RBFOX1: variants seen among roughly 807,000 people sequenced by gnomAD.
RBFOX1 encodes the protein RNA binding fox-1 homolog 1.
RBFOX1 carries 8 observed loss-of-function variants against 57.7 expected under a neutral mutation model. That is an observed-to-expected ratio of 0.14 (90% CI 0.08 to 0.25). The LOEUF (loss-of-function observed/expected upper bound fraction) is 0.25, where lower values mean the gene tolerates loss of function less well. RBFOX1 is among the 10% of genes least tolerant of loss of function. RBFOX1 has a pLI of 1.00. For synonymous variants in RBFOX1, 326 were observed against 222.4 expected (o/e 1.47, Z -4.15); for missense variants, 611 against 548.5 (o/e 1.11, Z -1.14).
At chr16:5,336,799 T>C (rs1333411578) in intron 1 of RBFOX1, among the ~76,000 whole-genome samples, 1 of 152,190 alleles carries the variant, frequency 6.6e-6, no homozygotes, top group Non-Finnish European at 1.5e-5. Context: ...TGCCTTCAGC[T>C]CACAACTCTC....
intron 3 of RBFOX1, among the ~76,000 whole-genome samples, chr16:6,884,245 G>C (rs185916831): frequency 2.4e-4 from 36 of 152,262 alleles, no homozygotes; most frequent in African/African-American, 8.2e-4. Flanking sequence ...GACCCAGGGA[G>C]CGTGGCAATA....
intron 5 of RBFOX1, among the ~76,000 whole-genome samples, chr16:7,557,947 C>T (rs899000729): frequency 1.3e-5 from 2 of 152,118 alleles, no homozygotes; most frequent in African/African-American, 2.4e-5. Context: ...GCAGTATTTC[C>T]ACCATCCAGA....
intron 15 of RBFOX1, chr16:7,709,853 G>A (rs1021068798): frequency 1.8e-5 from 22 of 1,202,686 alleles, no homozygotes; most frequent in Middle Eastern, 3.4e-4. Flanking sequence ...AGTAAGACGT[G>A]CCCATCACGT....
At position 6,605,386 on chromosome 16, in the gene RBFOX1, T is replaced by C. The variant is rs148159102; in HGVS notation, c.-63-49217T>C. The stretch of plus-strand genomic sequence containing the variant: ...ATTGCTGTCCATCTAGTTTGGAGTT[T>C]TGCTTTATTGATTTATGATATTATC... On this transcript the variant is annotated intron_variant, in intron 2 of 15. Transcript: ENST00000550418. Among the ~76,000 whole-genome samples the C allele has an allele frequency of 7.8e-3, 1,188 of 152,272 alleles. 18 individuals carry two copies. Among genetic ancestry groups the C allele is most frequent in the African/African-American group, 0.026 (1,064 of 41,528 alleles).
At chr16:7,085,272 C>G (rs564148271) in intron 4 of RBFOX1, among the ~76,000 whole-genome samples, 1 of 152,056 alleles carries the variant, frequency 6.6e-6, no homozygotes, top group African/African-American at 2.4e-5. Flanking sequence ...TGTTTGTCAC[C>G]TAAAGAGAAC....
chr16:7,436,120 G>C (rs1375826488), intron 4 of RBFOX1, among the ~76,000 whole-genome samples: 1 of 152,124 alleles, frequency 6.6e-6, no homozygotes, highest in Non-Finnish European at 1.5e-5. Context: ...TAGCCTTTTT[G>C]GAGGACAGAT....
chr16:6,579,471 T>C (rs1306998309), intron 2 of RBFOX1, among the ~76,000 whole-genome samples: 1 of 152,202 alleles, frequency 6.6e-6, no homozygotes, highest in East Asian at 1.9e-4. Context: ...AATTGAATCA[T>C]GGGAATGGTT....
chr16:7,556,615 T>A (rs550141704), intron 5 of RBFOX1, among the ~76,000 whole-genome samples: 1 of 152,304 alleles, frequency 6.6e-6, no homozygotes, highest in East Asian at 1.9e-4. Context: ...CTAAGAAAGC[T>A]TCATGACATT....
intron 2 of RBFOX1, among the ~76,000 whole-genome samples, chr16:5,480,550 CCT>C (rs1391866695): frequency 2.0e-5 from 3 of 152,124 alleles, no homozygotes; most frequent in Non-Finnish European, 4.4e-5. Flanking sequence ...TGCACAATGC[CCT>C]GTTCGCCCAG....
intron 1 of RBFOX1, among the ~76,000 whole-genome samples, chr16:5,443,546 G>C (rs543564314): frequency 2.0e-5 from 3 of 152,186 alleles, no homozygotes; most frequent in East Asian, 3.9e-4. Context: ...CCCTGTGTTG[G>C]CCAGGCTGGT....
At chr16:5,330,640 G>A (rs1366150694) in intron 1 of RBFOX1, among the ~76,000 whole-genome samples, 1 of 151,790 alleles carries the variant, frequency 6.6e-6, no homozygotes, top group Non-Finnish European at 1.5e-5. Flanking sequence ...TCTGACCTCA[G>A]GTGATCTGCC....
chr16:5,700,293 G>A (rs2050999585), intron 3 of RBFOX1, among the ~76,000 whole-genome samples: 2 of 148,470 alleles, frequency 1.3e-5, no homozygotes, highest in African/African-American at 4.9e-5. Context: ...CACTTTGACA[G>A]TTTTTTTTTT....
At chr16:6,766,953 G>T (rs780403383) in intron 3 of RBFOX1, among the ~76,000 whole-genome samples, 1 of 152,104 alleles carries the variant, frequency 6.6e-6, no homozygotes, top group Admixed American at 6.6e-5. Flanking sequence ...CTAGCCCTTG[G>T]TAAGTCGGGG....
At chr16:7,167,923 G>C (rs1220802043) in intron 4 of RBFOX1, among the ~76,000 whole-genome samples, 9 of 152,104 alleles carry the variant, frequency 5.9e-5, no homozygotes, top group South Asian at 2.1e-4. Context: ...TGCTTGTCTG[G>C]GGATGCTGCG....
chr16:5,983,479 C>T (rs1304794586), intron 4 of RBFOX1, among the ~76,000 whole-genome samples: 1 of 152,124 alleles, frequency 6.6e-6, no homozygotes, highest in African/African-American at 2.4e-5. Flanking sequence ...ATGGAACCTT[C>T]CAGTGAAGAG....
chr16:7,675,230 T>A (rs112545592), intron 13 of RBFOX1, among the ~76,000 whole-genome samples: 1 of 146,996 alleles, frequency 6.8e-6, no homozygotes, highest in African/African-American at 2.5e-5. Flanking sequence ...CAATTTCTCT[T>A]TAGTCCGTCA....
At chr16:7,684,363 G>A (rs903092927) in intron 14 of RBFOX1, among the ~76,000 whole-genome samples, 9 of 152,116 alleles carry the variant, frequency 5.9e-5, no homozygotes, top group Admixed American at 2.0e-4. Flanking sequence ...GGGAGTCTGT[G>A]GGGCAAAAAC....
intron 4 of RBFOX1, among the ~76,000 whole-genome samples, chr16:7,348,702 G>A (rs919741079): frequency 2.0e-5 from 3 of 152,192 alleles, no homozygotes; most frequent in Non-Finnish European, 4.4e-5. Flanking sequence ...AGCACTTTGG[G>A]AGGCTGAGGA....
chr16:6,654,530 A>G (rs1188460907), intron 2 of RBFOX1, 73 bp from the exon 3 acceptor site: 5 of 1,211,198 alleles, frequency 4.1e-6, no homozygotes, highest in Admixed American at 5.9e-5. Context: ...CAACAACACC[A>G]CTGAATGTTC....
Sources: gnomAD v4.1 joint callset for allele counts (sites outside exome capture counted in the v4.1 genomes callset) on GRCh38, gnomAD v4.1.1 for gene constraint, MANE v1.5 for transcripts, NCBI Gene and HGNC (gene_info 2026-07-23, HGNC 2026-07-21) for gene names.